GSE1: variants seen among roughly 807,000 people sequenced by gnomAD.
The protein encoded by GSE1 is genetic suppressor element 1.
In GSE1, 32 loss-of-function variants were observed where a neutral mutation model predicts 112.6. The ratio of observed to expected loss-of-function variants is 0.28; its 90% CI spans 0.21 to 0.38. The LOEUF (loss-of-function observed/expected upper bound fraction) is 0.38. Ranked by LOEUF, GSE1 falls within the 10% of genes least tolerant of loss-of-function variation. The pLI, the probability that GSE1 is intolerant of heterozygous loss-of-function variation, is 1.00. For missense variants in GSE1, 2,348 were observed against 1,699.2 expected (o/e 1.38, Z -6.71); for synonymous variants, 1,115 against 735.6 (o/e 1.52, Z -8.35).
At position 85,668,189 on chromosome 16, in the gene GSE1, C is replaced by T. The variant is rs147273986; in HGVS notation, c.3180C>T (p.Ser1060=). 1.9e-5 allele frequency: 30 copies of T among 1,608,542 alleles called. No homozygotes were observed. Among genetic ancestry groups the T allele is most frequent in the South Asian group, 6.6e-5 (6 of 90,836 alleles). Residue 1060 remains serine (S), a synonymous_variant, in exon 14 of 16, where the codon TCC becomes TCT. Coordinates refer to ENST00000253458, the MANE Select transcript of GSE1 (RefSeq NM_014615.5). ...AGCAGAACCACAAGGTTGACACGTC[C>T]GTCCACTACAACATTCCTGAGCTGC... The part of the protein sequence containing the change: ...SAEQNHKVDT[S]VHYNIPELQS...
chr16:85,664,720 C>A (rs201378709), intron 11 of GSE1: 2 of 296,244 alleles, frequency 6.8e-6, no homozygotes, highest in East Asian at 1.5e-4. Context: ...AAGAATACAT[C>A]CTCGCACGTC....
chr16:85,670,690 A>ATTT, intron 14 of GSE1: 1 of 168,038 alleles, frequency 6.0e-6, no homozygotes, highest in Non-Finnish European at 1.2e-5. Flanking sequence ...CTGAAAGCCT[A>ATTT]TTTTTTTTTT....
upstream of GSE1, among the ~76,000 whole-genome samples, chr16:85,607,923 A>G (rs781708393): frequency 4.4e-4 from 67 of 152,202 alleles, no homozygotes; most frequent in Admixed American, 9.8e-4. Context: ...TGGCTGGTGG[A>G]GGATGCTTCT....
At chr16:85,320,629 G>T (rs538117082) in intron 1 of GSE1, among the ~76,000 whole-genome samples, 2 of 152,158 alleles carry the variant, frequency 1.3e-5, no homozygotes, top group South Asian at 4.1e-4. Context: ...ACTTAATCCA[G>T]TGTGACCTCA....
intron 2 of GSE1, among the ~76,000 whole-genome samples, chr16:85,422,834 C>T (rs1355254830): frequency 1.3e-5 from 2 of 152,128 alleles, no homozygotes; most frequent in Non-Finnish European, 2.9e-5. Context: ...GGAGGAAGGG[C>T]GGCTGAACCC....
chr16:85,349,001 G>A (rs761235252), intron 1 of GSE1, among the ~76,000 whole-genome samples: 3 of 151,970 alleles, frequency 2.0e-5, no homozygotes, highest in African/African-American at 4.8e-5. Context: ...CAGCCGGAGC[G>A]GCCCTAATTG....
intron 1 of GSE1, among the ~76,000 whole-genome samples, chr16:85,173,955 T>C (rs2074410382): frequency 6.6e-6 from 1 of 152,136 alleles, no homozygotes; most frequent in East Asian, 1.9e-4. Flanking sequence ...CTTATATCAT[T>C]TTATAGACGA....
At chr16:85,202,831 C>A (rs188951235) in intron 1 of GSE1, among the ~76,000 whole-genome samples, 2 of 152,148 alleles carry the variant, frequency 1.3e-5, no homozygotes, top group African/African-American at 2.4e-5. Flanking sequence ...CAAGGGGGAG[C>A]GGAGGCTGGG....
Position 85,419,148 on chromosome 16 carries a change from A to G in GSE1, c.2464+61505A>G, listed in dbSNP as rs968858872. On this transcript the variant is annotated intron_variant, in intron 2 of 2. Transcript: ENST00000637419. The surrounding 1 kb of genome is among the most constrained non-coding windows in gnomAD (Gnocchi z 6.5). ...AGACACCTTGGGAGTGAGTGACGTG[A>G]TGGGAGCCCAGGCACCGAGCCTGGG... is the stretch of plus-strand genomic sequence containing the variant. Among the ~76,000 whole-genome samples the G allele has an allele frequency of 1.9e-4, 29 of 152,106 alleles. No homozygotes were observed. The highest frequency in any genetic ancestry group is 7.0e-4 in the African/African-American group (29 of 41,416).
At chr16:85,528,312 TTTTGTTTG>T (rs147087232) in intron 2 of GSE1, among the ~76,000 whole-genome samples, 5 of 151,636 alleles carry the variant, frequency 3.3e-5, no homozygotes, top group East Asian at 1.9e-4. Context: ...CTGGGGTTGT[TTTTGTTTG>T]TTTGTTTGTT....
rs55873035 is a variant in GSE1, at chr16:85,468,312, CTTTTTTTTTTT to C, written c.2464+110681_2464+110691del. Among the ~76,000 whole-genome samples, 5 of 116,708 alleles carry C rather than the reference CTTTTTTTTTTT, an allele frequency of 4.3e-5. No homozygotes were observed. In the Admixed American group the frequency reaches 4.6e-4, roughly 11 times the overall value. 76.6% of individuals were successfully genotyped at this position (116,708 alleles called of 152,430 possible). On this transcript the variant is annotated intron_variant, in intron 2 of 2. Coordinates refer to the GSE1 transcript ENST00000637419. ...CTTCTTCTTGTAGGGCCCTTCTTTC[CTTTTTTTTTTT>C]TTTTTTTTTTTGAGGTGGGGTCTCA...
At chr16:85,536,756 G>C (rs1186843000) in intron 2 of GSE1, among the ~76,000 whole-genome samples, 1 of 152,194 alleles carries the variant, frequency 6.6e-6, no homozygotes, top group African/African-American at 2.4e-5. Context: ...AGGGGTGAGA[G>C]GGAGGGAAGA....
chr16:85,451,242 G>T (rs560185988), intron 2 of GSE1, among the ~76,000 whole-genome samples: 1 of 152,242 alleles, frequency 6.6e-6, no homozygotes, highest in East Asian at 1.9e-4. Flanking sequence ...AAATTCCATG[G>T]TGTCCTTTTG....
intron 1 of GSE1, among the ~76,000 whole-genome samples, chr16:85,189,722 TTTC>T (rs760582076): frequency 1.3e-5 from 2 of 152,238 alleles, no homozygotes; most frequent in Non-Finnish European, 1.5e-5. Context: ...ATGAGGTTTA[TTTC>T]TTCTTAAGTC....
chr16:85,295,942 T>C (rs2045354570), intron 1 of GSE1, among the ~76,000 whole-genome samples: 1 of 152,046 alleles, frequency 6.6e-6, no homozygotes, highest in South Asian at 2.1e-4. Context: ...TTTGGGCCCT[T>C]ATTTGTAAAA....
chr16:85,636,276 C>T (rs977295140), intron 2 of GSE1, among the ~76,000 whole-genome samples: 2 of 152,186 alleles, frequency 1.3e-5, no homozygotes, highest in Non-Finnish European at 2.9e-5. Flanking sequence ...CATCGGTTCA[C>T]TCACCCACCT....
chr16:85,249,422 A>G (rs1390151785), intron 1 of GSE1, among the ~76,000 whole-genome samples: 1 of 152,222 alleles, frequency 6.6e-6, no homozygotes, highest in Non-Finnish European at 1.5e-5. Flanking sequence ...CTGTGCAGGC[A>G]GCAACCCCGA....
chr16:85,453,947 C>G (rs565311014), intron 2 of GSE1, among the ~76,000 whole-genome samples: 9 of 152,278 alleles, frequency 5.9e-5, no homozygotes, highest in African/African-American at 1.4e-4. Flanking sequence ...CCCCTGCCTC[C>G]TTGGGTGAAG....
intron 1 of GSE1, among the ~76,000 whole-genome samples, chr16:85,192,694 C>T (rs1056037073): frequency 1.3e-5 from 2 of 152,206 alleles, no homozygotes; most frequent in Non-Finnish European, 2.9e-5. Flanking sequence ...TCCTGGCCTC[C>T]TCGCCAGCTT....
Sources: gnomAD v4.1 joint callset for allele counts (sites outside exome capture counted in the v4.1 genomes callset) on GRCh38, gnomAD v4.1.1 for gene constraint, Gnocchi (gnomAD v3.1) non-coding constraint, MANE v1.5 for transcripts, NCBI Gene and HGNC (gene_info 2026-07-23, HGNC 2026-07-21) for gene names.